IGF2R: variants seen among roughly 807,000 people sequenced by gnomAD.
IGF2R encodes cation-independent mannose-6-phosphate receptor.
IGF2R carries 91 observed loss-of-function variants against 270.6 expected under a neutral mutation model. The ratio of observed to expected loss-of-function variants is 0.34; its 90% CI spans 0.28 to 0.40. The LOEUF is 0.40. Ranked by LOEUF, IGF2R falls within the 10% of genes least tolerant of loss-of-function variation. IGF2R has a pLI of 1.00. For synonymous variants in IGF2R, 1,316 were observed against 1,258.9 expected, an observed-to-expected ratio of 1.05 and a Z score of -0.96; for missense variants, 2,805 against 3,188.3, an observed-to-expected ratio of 0.88 and a Z score of 2.90.
chr6:160,103,671 G>T, intron 46 of IGF2R, 75 bp from the exon 47 acceptor site: 1 of 979,262 alleles, frequency 1.0e-6, no homozygotes, highest in South Asian at 1.3e-5. Flanking sequence ...AGATGGGGGT[G>T]GGGCTGGCGG....
chr6:160,090,325 A>G (rs914225894), intron 44 of IGF2R: 1 of 345,928 alleles, frequency 2.9e-6, no homozygotes, highest in Non-Finnish European at 5.2e-6. Context: ...TTATCAAGTA[A>G]ATGTACAAAA....
chr6:160,074,203 G>A, intron 35 of IGF2R: 4 of 558,940 alleles, frequency 7.2e-6, no homozygotes, highest in Admixed American at 6.4e-5. Context: ...GAGGTAACAC[G>A]AATATGTGTG....
chr6:160,099,174 CTG>C (rs1271297553), intron 45 of IGF2R, among the ~76,000 whole-genome samples: 2 of 152,142 alleles, frequency 1.3e-5, no homozygotes, highest in Non-Finnish European at 2.9e-5. Context: ...AAAGAAAAGA[CTG>C]TAAAAGCTTT....
At chr6:160,016,598 G>GTGTA (rs771556794) in intron 4 of IGF2R, among the ~76,000 whole-genome samples, 6 of 152,168 alleles carry the variant, frequency 3.9e-5, no homozygotes, top group African/African-American at 1.4e-4. Context: ...TGAGACAAGT[G>GTGTA]CACAATTGCA....
Position 160,064,890 on chromosome 6 carries a change from A to G in IGF2R, c.4104A>G (p.Glu1368=). 1 of 1,607,526 alleles carries G rather than the reference A, an allele frequency of 6.2e-7. No individual in the cohort carries two copies. Among genetic ancestry groups the G allele is most frequent in the Non-Finnish European group, 8.5e-7 (1 of 1,173,894 alleles). ...CCTGCCCACCTTTCGATCTGACTGA[A>G]TGTTCATTCAAGTAAGTCCATGGAT... ...QYACPPFDLT[E]CSFKDGAGNS... The change falls in exon 29 of 48, where the codon GAA becomes GAG. Residue 1368 remains glutamate (E), a synonymous_variant. Transcript: ENST00000356956.
At chr6:160,012,352 C>G (rs1430824088) in intron 4 of IGF2R, among the ~76,000 whole-genome samples, 1 of 152,084 alleles carries the variant, frequency 6.6e-6, no homozygotes, top group African/African-American at 2.4e-5. Context: ...AAAGAAACAC[C>G]TGAGACTGGG....
At chr6:160,061,710 C>G (rs746060831) in intron 24 of IGF2R, 43 bp from the exon 25 acceptor site, 5 of 1,613,278 alleles carry the variant, frequency 3.1e-6, no homozygotes, top group Non-Finnish European at 4.2e-6. Context: ...GACTCAAGGT[C>G]ATCGCCTTCC....
At chr6:160,056,680 CCT>C (rs956035630) in intron 20 of IGF2R, among the ~76,000 whole-genome samples, 155 bp downstream of exon 20, 1 of 152,218 alleles carries the variant, frequency 6.6e-6, no homozygotes, top group Non-Finnish European at 1.5e-5. Flanking sequence ...ACCCAGAGTT[CCT>C]CTCCACTCCG....
chr6:159,987,455 A>T (rs1783905249), intron 1 of IGF2R, among the ~76,000 whole-genome samples: 2 of 152,170 alleles, frequency 1.3e-5, no homozygotes, highest in Non-Finnish European at 2.9e-5. Flanking sequence ...GCAGTGGCAC[A>T]ATCTCAGCTC....
chr6:160,040,638 C>T lies in IGF2R; in HGVS notation c.1394C>T (p.Ala465Val), dbSNP rs1777924469. ...TYFFTWDTEY[A>V]CVKEKEDLLC... ...TTCTTCACATGGGACACGGAATACG[C>T]CTGTGTTAAGGAGAAGGAAGACCTC... Residue 465 changes from alanine (A) to valine (V), a missense_variant, in exon 11 of 48, where the codon GCC (alanine) becomes GTC (valine). Transcript: ENST00000356956. The T allele has an allele frequency of 6.2e-7, 1 of 1,613,830 alleles. No homozygotes were observed. The highest frequency in any genetic ancestry group is 1.3e-5 in the African/African-American group (1 of 74,884).
In IGF2R at chr6:160,084,942, G is replaced by A; in HGVS notation, c.6069-53G>A. 1.3e-6 allele frequency: 2 copies of A among 1,579,522 alleles called. No individual in the cohort carries two copies. Among genetic ancestry groups the A allele is most frequent in the Non-Finnish European group, 1.7e-6 (2 of 1,154,020 alleles). Reference sequence around the variant, plus strand: ...AAAGTGAAGAGCCCTCCTGTGTCAGGGCAGAGACGTCACTTGCATGCCTTT... The same window carrying A: ...AAAGTGAAGAGCCCTCCTGTGTCAGAGCAGAGACGTCACTTGCATGCCTTT... On this transcript the variant is annotated intron_variant, in intron 40 of 47. Coordinates refer to ENST00000356956, the MANE Select transcript of IGF2R (RefSeq NM_000876.4). This position sits in a 1 kb window ranked among gnomAD's most constrained non-coding sequence, Gnocchi z 4.6.
At chr6:159,995,333 G>A (rs1432705543) in intron 2 of IGF2R, among the ~76,000 whole-genome samples, 1 of 151,302 alleles carries the variant, frequency 6.6e-6, no homozygotes, top group East Asian at 1.9e-4. Flanking sequence ...TACCAGTTAG[G>A]TGGTTTTCTG....
intron 11 of IGF2R, 147 bp downstream of exon 11, chr6:160,040,871 T>A: frequency 1.3e-6 from 1 of 760,990 alleles, no homozygotes; most frequent in Non-Finnish European, 2.1e-6. Context: ...CTGTGTGAAT[T>A]ATTAGAAGGA....
chr6:160,063,317 G>C (rs8191853), intron 26 of IGF2R, 98 bp from the exon 27 acceptor site: 1 of 919,594 alleles, frequency 1.1e-6, no homozygotes, highest in African/African-American at 1.6e-5. Flanking sequence ...GATTACAGGC[G>C]TGAGCCACTG....
chr6:160,083,874 G>T, intron 39 of IGF2R, 76 bp from the exon 40 acceptor site: 1 of 982,990 alleles, frequency 1.0e-6, no homozygotes, highest in Non-Finnish European at 1.6e-6. Context: ...TTTCAAAATG[G>T]AGTCTCTTAT....
intron 29 of IGF2R, among the ~76,000 whole-genome samples, chr6:160,066,445 G>T (rs557629400): frequency 6.6e-6 from 1 of 152,108 alleles, no homozygotes; most frequent in African/African-American, 2.4e-5. Context: ...GAGCCACTGC[G>T]CCCGGCCTTC....
At position 160,072,063 on chromosome 6, in the gene IGF2R, C is replaced by T. The variant is rs375985379; in HGVS notation, c.4570+27C>T. ...TGAGAGGTGGTGCCAGTCGTTAACC[C>T]CAGCGCAGGTGAGAGACGGTGCCCC... On this transcript the variant is annotated intron_variant, in intron 32 of 47. Coordinates refer to ENST00000356956, the MANE Select transcript of IGF2R (RefSeq NM_000876.4). 156 of 1,613,526 alleles carry T rather than the reference C, an allele frequency of 9.7e-5. 4 individuals are homozygous for T. The highest frequency in any genetic ancestry group is 8.7e-4 in the South Asian group (79 of 91,052).
At chr6:160,096,770 A>C (rs1779370266) in intron 45 of IGF2R, 145 bp downstream of exon 45, 1 of 706,824 alleles carries the variant, frequency 1.4e-6, no homozygotes. Context: ...AGCGGACCCC[A>C]CATAGTCAGT....
rs1784178218 is a variant in IGF2R at position 160,004,320 on chromosome 6, C to G, written c.290-4690C>G. The G allele has an allele frequency of 6.6e-6, 1 of 152,246 alleles. No homozygotes were observed. Among genetic ancestry groups the G allele is most frequent in the Admixed American group, 6.5e-5 (1 of 15,274 alleles). The allele number at this position is 152,246 out of a possible 1,614,324, so 9.4% of individuals were successfully genotyped here. A position where few individuals can be genotyped will look rare whatever the true frequency, so the allele number is the denominator to read the frequency against. Reference sequence around the variant, plus strand: ...TCAGGATCACCAGGCTTTGTGGCTTCAAGGAGGCCAAATCACCATGGGCTT... The same window carrying G: ...TCAGGATCACCAGGCTTTGTGGCTTGAAGGAGGCCAAATCACCATGGGCTT... On this transcript the variant is annotated intron_variant, in intron 2 of 47. Transcript: ENST00000356956. This position sits in a 1 kb window ranked among gnomAD's most constrained non-coding sequence, Gnocchi z 5.2.
Sources: allele counts gnomAD v4.1 joint callset (sites outside exome capture counted in the v4.1 genomes callset), GRCh38; gene constraint gnomAD v4.1.1; non-coding constraint Gnocchi (gnomAD v3.1); transcripts MANE v1.5; gene names NCBI Gene and HGNC (gene_info 2026-07-23, HGNC 2026-07-21).